Variants in KCNIP4 observed in about 807,000 individuals in gnomAD.
KCNIP4 encodes the protein potassium voltage-gated channel interacting protein 4.
In KCNIP4, 12 loss-of-function variants were observed where a neutral mutation model predicts 34.0. The observed-to-expected ratio is 0.35, with a 90% confidence interval of 0.23 to 0.57. The LOEUF (loss-of-function observed/expected upper bound fraction) is 0.57, where lower values mean the gene tolerates loss of function less well. Among genes scored for constraint, KCNIP4 ranks in the 20% least tolerant of loss-of-function variants. KCNIP4 has a pLI of 0.83. For synonymous variants in KCNIP4, 124 were observed against 102.2 expected (o/e 1.21, Z -1.29); for missense variants, 238 against 311.7 (o/e 0.76, Z 1.78).
chr4:21,319,199 A>C (rs1714117297), intron 1 of KCNIP4, among the ~76,000 whole-genome samples: 1 of 152,228 alleles, frequency 6.6e-6, no homozygotes, highest in African/African-American at 2.4e-5. Flanking sequence ...CTGCTTCCCA[A>C]GGTCTACCAG....
At chr4:21,380,020 G>A (rs191608602) in intron 1 of KCNIP4, among the ~76,000 whole-genome samples, 19 of 152,174 alleles carry the variant, frequency 1.2e-4, no homozygotes, top group Non-Finnish European at 2.4e-4. Flanking sequence ...TCTTACATAT[G>A]TAATCCCCTT....
At chr4:20,883,206 C>A (rs1037633253) in intron 1 of KCNIP4, among the ~76,000 whole-genome samples, 1 of 152,112 alleles carries the variant, frequency 6.6e-6, no homozygotes, top group Admixed American at 6.5e-5. Flanking sequence ...CCTGTTAGTA[C>A]CTTTGCCTTC....
chr4:20,964,552 GCCTTC>G (rs1202805827), intron 1 of KCNIP4, among the ~76,000 whole-genome samples: 1 of 152,054 alleles, frequency 6.6e-6, no homozygotes, highest in Non-Finnish European at 1.5e-5. Context: ...GAGTGCCCTG[GCCTTC>G]ATCCACTTTT....
intron 1 of KCNIP4, among the ~76,000 whole-genome samples, chr4:21,046,779 TGG>T (rs1368891605): frequency 2.5e-4 from 38 of 152,034 alleles, no homozygotes. Context: ...TTAGTAGAGA[TGG>T]GGTTTCTCCA....
chr4:21,763,027 C>A (rs2109173181), intron 1 of KCNIP4: 1 of 1,288,844 alleles, frequency 7.8e-7, no homozygotes, highest in Admixed American at 2.3e-5. Flanking sequence ...TGCTCAATAA[C>A]CGCTTCTAGA....
intron 1 of KCNIP4, among the ~76,000 whole-genome samples, chr4:21,100,890 A>G (rs1399370989): frequency 2.7e-5 from 4 of 148,064 alleles, no homozygotes; most frequent in Non-Finnish European, 4.5e-5. Context: ...GTTCAGTTCA[A>G]TAGGTATGTT....
Position 21,503,713 on chromosome 4 carries a change from G to C in KCNIP4, c.61+444858C>G, listed in dbSNP as rs554535387. On this transcript the variant is annotated intron_variant, in intron 1 of 8. Coordinates refer to ENST00000382152, the MANE Select transcript of KCNIP4 (RefSeq NM_025221.6). ...AAGTGACTGATAGAAGGATTTACCA[G>C]AATGGTCATAGAGCAAGTGAGCAGG... is the stretch of plus-strand genomic sequence containing the variant. 2.6e-5 allele frequency among the ~76,000 whole-genome samples: 4 copies of C among 152,264 alleles called. No individual in the cohort carries two copies. The South Asian group carries it at 8.3e-4, about 32-fold the overall frequency.
intron 1 of KCNIP4, among the ~76,000 whole-genome samples, chr4:21,354,740 A>G (rs1486713492): frequency 6.6e-6 from 1 of 152,064 alleles, no homozygotes; most frequent in African/African-American, 2.4e-5. Flanking sequence ...ACAGATCAAC[A>G]AGACAGAAGA....
chr4:21,594,826 G>C (rs1208399044), intron 1 of KCNIP4, among the ~76,000 whole-genome samples: 1 of 137,844 alleles, frequency 7.3e-6, no homozygotes, highest in Non-Finnish European at 1.6e-5. Context: ...GAAGTATACT[G>C]TCTCAGGGTT....
chr4:21,871,465 T>A (rs1273870985), intron 1 of KCNIP4, among the ~76,000 whole-genome samples: 1 of 151,682 alleles, frequency 6.6e-6, no homozygotes, highest in East Asian at 1.9e-4. Context: ...TGCAGCCATA[T>A]AAAAGGATGA....
chr4:21,703,631 T>C (rs1316540993), intron 1 of KCNIP4, among the ~76,000 whole-genome samples: 2 of 152,142 alleles, frequency 1.3e-5, no homozygotes, highest in African/African-American at 4.8e-5. Flanking sequence ...AAATTTAAAA[T>C]ACAATATCAT....
intron 1 of KCNIP4, among the ~76,000 whole-genome samples, chr4:21,596,718 AG>A (rs1409403141): frequency 3.3e-5 from 5 of 152,128 alleles, no homozygotes; most frequent in Admixed American, 1.3e-4. Context: ...GGGCCTGAGC[AG>A]GGGAAGGTCT....
intron 1 of KCNIP4, among the ~76,000 whole-genome samples, chr4:21,640,657 A>C (rs1035761052): frequency 6.6e-6 from 1 of 152,170 alleles, no homozygotes; most frequent in African/African-American, 2.4e-5. Context: ...TACAGCATTA[A>C]ATTCAGAATC....
At chr4:20,969,260 C>T (rs1273233437) in intron 1 of KCNIP4, among the ~76,000 whole-genome samples, 3 of 152,134 alleles carry the variant, frequency 2.0e-5, no homozygotes. Context: ...GAAAGAAGAA[C>T]AGGAAAACTA....
At chr4:21,705,977 A>G (rs1459282) in intron 1 of KCNIP4, among the ~76,000 whole-genome samples, 103,164 of 152,084 alleles carry the variant, frequency 0.68, 36,548 homozygotes, top group African/African-American at 0.87. Flanking sequence ...CCCACTGCCT[A>G]TATTTGTGTA....
intron 1 of KCNIP4, among the ~76,000 whole-genome samples, chr4:21,076,656 T>G (rs1166916730): frequency 6.6e-6 from 1 of 152,168 alleles, no homozygotes; most frequent in Non-Finnish European, 1.5e-5. Context: ...ACAATTCGTA[T>G]GTTAATTATC....
chr4:20,800,782 A>T (rs1714129623), intron 3 of KCNIP4, among the ~76,000 whole-genome samples: 1 of 152,180 alleles, frequency 6.6e-6, no homozygotes. Flanking sequence ...ATTCTTTGGG[A>T]CTTATGGGAT....
chr4:21,564,563 C>T (rs1560520053), intron 1 of KCNIP4, among the ~76,000 whole-genome samples: 1 of 152,098 alleles, frequency 6.6e-6, no homozygotes, highest in Non-Finnish European at 1.5e-5. Flanking sequence ...GAGTGTGTTT[C>T]TAAGAGCATA....
At chr4:20,872,401 G>A (rs536974712) in intron 2 of KCNIP4, among the ~76,000 whole-genome samples, 1 of 152,192 alleles carries the variant, frequency 6.6e-6, no homozygotes, top group East Asian at 1.9e-4. Flanking sequence ...GTCACACTTG[G>A]TGCTTCAAAA....
Sources: allele counts gnomAD v4.1 joint callset (sites outside exome capture counted in the v4.1 genomes callset), GRCh38; gene constraint gnomAD v4.1.1; transcripts MANE v1.5; gene names NCBI Gene and HGNC (gene_info 2026-07-23, HGNC 2026-07-21).